The following SPDYE14 variants were observed in gnomAD, a reference collection of about 807,000 sequenced individuals.
The protein encoded by SPDYE14 is speedy/RINGO cell cycle regulator family member E14, also known as speedy protein E14.
At chr7:75,245,428 G>GAAAAAA in the SPDYE14 span, among the ~76,000 whole-genome samples, 45 of 67,180 alleles carry the variant, frequency 6.7e-4, 2 homozygotes, top group Admixed American at 1.2e-3. Context: ...ATGTCTCAAA[G>GAAAAAA]AAAAAAAAAA....
chr7:75,265,991 G>GA, the SPDYE14 span, among the ~76,000 whole-genome samples: 140 of 70,372 alleles, frequency 2.0e-3, 6 homozygotes, highest in African/African-American at 4.4e-3. Context: ...CTCAAAAAAA[G>GA]AAAAAAAAAG....
the SPDYE14 span, among the ~76,000 whole-genome samples, chr7:75,259,955 A>G: frequency 4.7e-5 from 1 of 21,356 alleles, no homozygotes; most frequent in Non-Finnish European, 1.4e-4. Flanking sequence ...GCCACTCTCA[A>G]ATGAGATAAC....
chr7:75,265,991 GA>G, the SPDYE14 span, among the ~76,000 whole-genome samples: 3 of 70,524 alleles, frequency 4.3e-5, no homozygotes, highest in East Asian at 2.9e-4. Context: ...CTCAAAAAAA[GA>G]AAAAAAAAGA....
At chr7:75,249,657 T>TCC in the SPDYE14 span, among the ~76,000 whole-genome samples, 1 of 38,034 alleles carries the variant, frequency 2.6e-5, no homozygotes, top group Admixed American at 3.2e-4. Flanking sequence ...TCCCTCCCTC[T>TCC]CTCCTTCCCT....
chr7:75,260,100 T>C, the SPDYE14 span, among the ~76,000 whole-genome samples: 24 of 62,940 alleles, frequency 3.8e-4, no homozygotes, highest in African/African-American at 1.6e-3. Context: ...TTGTCAATGG[T>C]CCTCAGATCT....
chr7:75,237,781 T>TGC, the SPDYE14 span: 2 of 114,284 alleles, frequency 1.8e-5, no homozygotes, highest in African/African-American at 5.0e-5. Context: ...GTAGTCCGCC[T>TGC]GGGGGGGCTC....
At chr7:75,267,367 C>T in the SPDYE14 span, among the ~76,000 whole-genome samples, 2 of 20,606 alleles carry the variant, frequency 9.7e-5, 1 homozygote, top group Admixed American at 1.6e-3. Context: ...TTCTGGCTGC[C>T]TTGTGGAGTA....
At chr7:75,303,468 T>TAC in the SPDYE14 span, among the ~76,000 whole-genome samples, 87 of 23,382 alleles carry the variant, frequency 3.7e-3, 4 homozygotes, top group South Asian at 9.0e-3. Flanking sequence ...ACCTTGTTTC[T>TAC]ACACACACAC....
the SPDYE14 span, among the ~76,000 whole-genome samples, chr7:75,240,225 CA>C: frequency 0.025 from 398 of 15,944 alleles, 100 homozygotes; most frequent in African/African-American, 0.056. Flanking sequence ...GCCTCCATCT[CA>C]AAAAAAAAAA....
the SPDYE14 span, among the ~76,000 whole-genome samples, chr7:75,278,081 A>G: frequency 1.8e-5 from 1 of 56,006 alleles, no homozygotes; most frequent in South Asian, 6.1e-4. Context: ...AGGTGTCAGC[A>G]GGGCCAGGGG....
chr7:75,237,861 C>G, the SPDYE14 span, among the ~76,000 whole-genome samples: 2 of 104,642 alleles, frequency 1.9e-5, 1 homozygote, highest in African/African-American at 5.2e-5. Context: ...TACCGGCAGC[C>G]CGGTGCACGG....
chr7:75,244,243 G>A, the SPDYE14 span, among the ~76,000 whole-genome samples: 4 of 21,938 alleles, frequency 1.8e-4, 2 homozygotes, highest in African/African-American at 2.3e-4. Flanking sequence ...GACTACAGGT[G>A]CCCGCCACCA....
At chr7:75,264,992 T>C in the SPDYE14 span, among the ~76,000 whole-genome samples, 1 of 57,714 alleles carries the variant, frequency 1.7e-5, no homozygotes, top group Non-Finnish European at 3.8e-5. Context: ...GTTTTCCTTC[T>C]GTGAATTGCC....
At chr7:75,268,895 A>AG in the SPDYE14 span, among the ~76,000 whole-genome samples, 13 of 9,404 alleles carry the variant, frequency 1.4e-3, no homozygotes, top group African/African-American at 2.4e-3. Context: ...GAGAGAGAGA[A>AG]AGGAAATGGC....
At chr7:75,275,072 G>A in the SPDYE14 span, among the ~76,000 whole-genome samples, 1 of 57,920 alleles carries the variant, frequency 1.7e-5, no homozygotes, top group Non-Finnish European at 4.3e-5. Context: ...TCAGCCCCCC[G>A]CCCGGCCAGC....
chr7:75,279,065 A>G, the SPDYE14 span, among the ~76,000 whole-genome samples: 1 of 119,156 alleles, frequency 8.4e-6, no homozygotes, highest in East Asian at 2.2e-4. Flanking sequence ...GTATTCTCTC[A>G]TATGTGCTGG....
At chr7:75,240,605 A>C in the SPDYE14 span, among the ~76,000 whole-genome samples, 1 of 70,758 alleles carries the variant, frequency 1.4e-5, no homozygotes, top group African/African-American at 4.0e-5. Context: ...CAAAAAAAAA[A>C]AAACACAAAA....
At chr7:75,265,190 C>G in the SPDYE14 span, among the ~76,000 whole-genome samples, 3 of 71,876 alleles carry the variant, frequency 4.2e-5, no homozygotes, top group African/African-American at 1.5e-4. Context: ...ACCTTGGCCT[C>G]CAAGGTTCAA....
At chr7:75,279,678 G>A in the SPDYE14 span, among the ~76,000 whole-genome samples, 6 of 51,108 alleles carry the variant, frequency 1.2e-4, 3 homozygotes, top group African/African-American at 3.1e-4. Flanking sequence ...TCCTGATCTC[G>A]TGATCCACCC....
Sources: gnomAD v4.1 joint callset for allele counts (sites outside exome capture counted in the v4.1 genomes callset) on GRCh38, gnomAD v4.1.1 for gene constraint, MANE v1.5 for transcripts, NCBI Gene and HGNC (gene_info 2026-07-23, HGNC 2026-07-21) for gene names.